AUTS2: variants seen among roughly 807,000 people sequenced by gnomAD.
The protein encoded by AUTS2 is autism susceptibility gene 2 protein.
In AUTS2, 17 loss-of-function variants were observed where a neutral mutation model predicts 112.4. The observed-to-expected ratio is 0.15, with a 90% CI of 0.10 to 0.23. The LOEUF is 0.23. AUTS2 is among the 10% of genes least tolerant of loss of function. The pLI is 1.00. For missense variants in AUTS2, 1,510 were observed against 1,701.6 expected, an observed-to-expected ratio of 0.89 and a Z score of 1.98; for synonymous variants, 751 against 702.7, an observed-to-expected ratio of 1.07 and a Z score of -1.09.
chr7:70,008,569 T>C (rs1411012596), intron 2 of AUTS2, among the ~76,000 whole-genome samples: 3 of 152,118 alleles, frequency 2.0e-5, no homozygotes, highest in Non-Finnish European at 4.4e-5. Context: ...GTGCAAGAAG[T>C]TTTTTGTCTT....
chr7:70,375,792 T>C (rs1374132859), intron 4 of AUTS2, among the ~76,000 whole-genome samples: 1 of 152,160 alleles, frequency 6.6e-6, no homozygotes, highest in Non-Finnish European at 1.5e-5. Context: ...ACCAGCTGTT[T>C]TCCAATTACA....
intron 4 of AUTS2, among the ~76,000 whole-genome samples, chr7:70,233,978 G>A (rs1232645203): frequency 6.6e-6 from 1 of 152,222 alleles, no homozygotes; most frequent in African/African-American, 2.4e-5. Context: ...GAGGATGTAT[G>A]TGCTTTTGAA....
chr7:70,590,158 G>GTATA lies in AUTS2; in HGVS notation c.691-108397_691-108394dup, dbSNP rs61345387. On this transcript the variant is annotated intron_variant, in intron 5 of 18. Transcript: ENST00000342771. ...TGTGTGTGTGTGTGTGTGTATGTATGTATATATATATATATATGTATAAAA... is the reference window on the plus strand; with the variant it reads ...TGTGTGTGTGTGTGTGTGTATGTATGTATATATATATATATATATATGTATAAAA... 2.8e-4 allele frequency among the ~76,000 whole-genome samples: 41 copies of GTATA among 145,478 alleles called. No homozygotes were observed. In the East Asian group the frequency reaches 4.1e-3, roughly 15 times the overall value.
At chr7:70,666,797 A>G (rs1027862564) in intron 5 of AUTS2, among the ~76,000 whole-genome samples, 1 of 151,896 alleles carries the variant, frequency 6.6e-6, no homozygotes, top group Non-Finnish European at 1.5e-5. Flanking sequence ...TTTCTGCTAT[A>G]GTCTTTTTGA....
chr7:69,874,207 A>G (rs993426166), intron 1 of AUTS2, among the ~76,000 whole-genome samples: 7 of 150,028 alleles, frequency 4.7e-5, no homozygotes, highest in African/African-American at 1.7e-4. Flanking sequence ...AGCCTTGGCA[A>G]CATAGTGAGA....
intron 4 of AUTS2, among the ~76,000 whole-genome samples, chr7:70,280,982 A>G (rs1562846695): frequency 1.3e-5 from 2 of 152,120 alleles, no homozygotes; most frequent in Non-Finnish European, 2.9e-5. Flanking sequence ...TAGTGTATCT[A>G]TGTCTCCATA....
At chr7:70,193,480 C>T (rs763634022) in intron 4 of AUTS2, among the ~76,000 whole-genome samples, 4 of 152,128 alleles carry the variant, frequency 2.6e-5, no homozygotes, top group African/African-American at 7.2e-5. Context: ...CCTCATTTTA[C>T]GGGTAGAAAT....
At chr7:70,686,642 T>A (rs973975839) in intron 5 of AUTS2, among the ~76,000 whole-genome samples, 1 of 152,058 alleles carries the variant, frequency 6.6e-6, no homozygotes, top group African/African-American at 2.4e-5. Flanking sequence ...GCGATTCTCC[T>A]GCCTCAGCCT....
At chr7:70,537,192 A>G (rs1306780667) in intron 5 of AUTS2, among the ~76,000 whole-genome samples, 1 of 152,204 alleles carries the variant, frequency 6.6e-6, no homozygotes, top group African/African-American at 2.4e-5. Flanking sequence ...CCTTCCCACC[A>G]GTACCCAGCG....
intron 4 of AUTS2, among the ~76,000 whole-genome samples, chr7:70,166,888 G>T (rs938659221): frequency 3.3e-5 from 5 of 152,162 alleles, no homozygotes; most frequent in African/African-American, 1.2e-4. Flanking sequence ...ACAGAGCCAT[G>T]ACTATTTTAA....
At chr7:69,688,230 G>A (rs185995963) in intron 1 of AUTS2, among the ~76,000 whole-genome samples, 8 of 152,332 alleles carry the variant, frequency 5.3e-5, no homozygotes, top group Admixed American at 2.0e-4. Flanking sequence ...CCTTCAGTGC[G>A]GAGTAAACAG....
rs114945324 is a variant in AUTS2, at chr7:69,764,068, G to C, written c.310-135218G>C. 2.9e-3 allele frequency among the ~76,000 whole-genome samples: 442 copies of C among 152,356 alleles called. 5 individuals carry two copies. The highest frequency in any genetic ancestry group is 0.01 in the African/African-American group (428 of 41,584). The stretch of plus-strand genomic sequence containing the variant: ...TATTTGTTTCTTAACTGGTGAAGCT[G>C]CCATACCAAGGCCACTTGCCCATGA... On this transcript the variant is annotated intron_variant, in intron 1 of 18. Coordinates refer to ENST00000342771, the MANE Select transcript of AUTS2 (RefSeq NM_015570.4).
intron 5 of AUTS2, among the ~76,000 whole-genome samples, chr7:70,611,574 A>T (rs1257976970): frequency 6.6e-6 from 1 of 152,210 alleles, no homozygotes; most frequent in Non-Finnish European, 1.5e-5. Flanking sequence ...AGTCAAACAT[A>T]ATCCTAACTA....
At chr7:69,865,052 G>T (rs914353214) in intron 1 of AUTS2, among the ~76,000 whole-genome samples, 1 of 151,540 alleles carries the variant, frequency 6.6e-6, no homozygotes, top group Non-Finnish European at 1.5e-5. Context: ...TCACAGACGT[G>T]AATGAACAGA....
At chr7:70,279,124 C>T (rs1788082339) in intron 4 of AUTS2, among the ~76,000 whole-genome samples, 2 of 152,180 alleles carry the variant, frequency 1.3e-5, no homozygotes, top group East Asian at 1.9e-4. Context: ...CCCCCTGCAT[C>T]TCTAATAAGC....
chr7:69,961,673 A>G (rs1213711579), intron 2 of AUTS2, among the ~76,000 whole-genome samples: 1 of 152,152 alleles, frequency 6.6e-6, no homozygotes, highest in Non-Finnish European at 1.5e-5. Context: ...TAGCTAGTTT[A>G]TACAACTGGA....
At chr7:70,179,157 G>A (rs1809164426) in intron 4 of AUTS2, among the ~76,000 whole-genome samples, 1 of 152,168 alleles carries the variant, frequency 6.6e-6, no homozygotes, top group African/African-American at 2.4e-5. Context: ...TAAACCTTGG[G>A]TGGCTCATGA....
At chr7:69,640,006 G>A (rs1794730608) in intron 1 of AUTS2, among the ~76,000 whole-genome samples, 1 of 152,118 alleles carries the variant, frequency 6.6e-6, no homozygotes, top group African/African-American at 2.4e-5. Flanking sequence ...CTCACCTCTT[G>A]GGCCTCAGTT....
chr7:70,059,140 A>G (rs1303235175), intron 2 of AUTS2, among the ~76,000 whole-genome samples: 1 of 152,212 alleles, frequency 6.6e-6, no homozygotes, highest in African/African-American at 2.4e-5. Flanking sequence ...AAATAGTTTC[A>G]TTGCCCTAAA....
Sources: allele counts gnomAD v4.1 joint callset (sites outside exome capture counted in the v4.1 genomes callset), GRCh38; gene constraint gnomAD v4.1.1; transcripts MANE v1.5; gene names NCBI Gene and HGNC (gene_info 2026-07-23, HGNC 2026-07-21).